PHACTR1: variants seen among roughly 807,000 people sequenced by gnomAD.
PHACTR1 encodes the protein phosphatase and actin regulator 1.
In PHACTR1, 16 loss-of-function variants were observed where a neutral mutation model predicts 69.2. The ratio of observed to expected loss-of-function variants is 0.23; its 90% CI spans 0.16 to 0.35. The LOEUF (loss-of-function observed/expected upper bound fraction) is 0.35, where lower values mean the gene tolerates loss of function less well. PHACTR1 is among the 10% of genes least tolerant of loss of function. The pLI, the probability that PHACTR1 is intolerant of heterozygous loss-of-function variation, is 1.00. For synonymous variants in PHACTR1, 312 were observed against 284.5 expected, an observed-to-expected ratio of 1.10 and a Z score of -0.97; for missense variants, 510 against 734.7, an observed-to-expected ratio of 0.69 and a Z score of 3.54.
chr6:13,125,974 T>C (rs1819475420), intron 5 of PHACTR1, among the ~76,000 whole-genome samples: 1 of 152,112 alleles, frequency 6.6e-6, no homozygotes, highest in African/African-American at 2.4e-5. Flanking sequence ...AATAAATGCC[T>C]TTTGTATGAA....
chr6:12,861,274 C>T (rs143456552), intron 4 of PHACTR1, among the ~76,000 whole-genome samples: 1 of 152,202 alleles, frequency 6.6e-6, no homozygotes, highest in Non-Finnish European at 1.5e-5. Flanking sequence ...TAACAAGTCA[C>T]CCAACGCTAC....
At chr6:13,213,452 C>T (rs1045322857) in intron 8 of PHACTR1, among the ~76,000 whole-genome samples, 1 of 152,186 alleles carries the variant, frequency 6.6e-6, no homozygotes, top group Non-Finnish European at 1.5e-5. Context: ...CCTGCACACA[C>T]CCCTTTTGCA....
chr6:12,746,846 T>G (rs895621619), intron 3 of PHACTR1, among the ~76,000 whole-genome samples: 3 of 152,188 alleles, frequency 2.0e-5, no homozygotes, highest in Non-Finnish European at 2.9e-5. Flanking sequence ...TGAATGAGAA[T>G]AGAAAGGAAT....
At chr6:13,094,943 A>C (rs1176491815) in intron 5 of PHACTR1, among the ~76,000 whole-genome samples, 1 of 152,154 alleles carries the variant, frequency 6.6e-6, no homozygotes, top group Non-Finnish European at 1.5e-5. Context: ...AAGTTATTAA[A>C]GCTAAATGAG....
At chr6:12,771,156 C>G (rs1463497332) in intron 4 of PHACTR1, among the ~76,000 whole-genome samples, 1 of 152,062 alleles carries the variant, frequency 6.6e-6, no homozygotes, top group East Asian at 1.9e-4. Context: ...CTGGGTTGAT[C>G]TTAAATATTT....
At chr6:12,907,984 A>G (rs1403088058) in intron 4 of PHACTR1, among the ~76,000 whole-genome samples, 1 of 152,230 alleles carries the variant, frequency 6.6e-6, no homozygotes, top group Non-Finnish European at 1.5e-5. Flanking sequence ...CTGTGTGTCC[A>G]TCTATGTGAT....
chr6:13,179,770 A>G lies in PHACTR1; in HGVS notation c.497-2749A>G, dbSNP rs1212147479. ...TAGACAGAACAAGGTTATCAATATT[A>G]ATGTTGAAGAAATTGCCAAAAGCTA... On this transcript the variant is annotated intron_variant, in intron 6 of 14. Coordinates refer to ENST00000332995, the MANE Select transcript of PHACTR1 (RefSeq NM_030948.6). This position sits in a 1 kb window ranked among gnomAD's most constrained non-coding sequence, Gnocchi z 4.2. Among the ~76,000 whole-genome samples the G allele has an allele frequency of 3.7e-5, 5 of 135,102 alleles. No individual in the cohort carries two copies. The highest frequency in any genetic ancestry group is 6.0e-5 in the Non-Finnish European group (4 of 67,148). The allele number at this position is 135,102 out of a possible 152,430, so 88.6% of individuals were successfully genotyped here. A position where few individuals can be genotyped will look rare whatever the true frequency, so the allele number is the denominator to read the frequency against.
intron 4 of PHACTR1, among the ~76,000 whole-genome samples, chr6:12,938,414 G>A (rs968340124): frequency 5.3e-5 from 8 of 152,032 alleles, no homozygotes; most frequent in African/African-American, 1.4e-4. Flanking sequence ...TCATAGAGGA[G>A]CACAAACCCG....
Position 13,047,377 on chromosome 6 carries a change from CAAAAAAAA to C in PHACTR1, c.251-5970_251-5963del, listed in dbSNP as rs35293642. The stretch of plus-strand genomic sequence containing the variant: ...TGGGTGACAGAGCAAAACCCTGTCT[CAAAAAAAA>C]AAAAAAAAAAAAAAAAAGGCAGTGC... On this transcript the variant is annotated intron_variant, in intron 4 of 14. Coordinates refer to ENST00000332995, the MANE Select transcript of PHACTR1 (RefSeq NM_030948.6). Among the ~76,000 whole-genome samples, 3 of 54,790 alleles carry C rather than the reference CAAAAAAAA, an allele frequency of 5.5e-5. No individual in the cohort carries two copies. In the South Asian group the frequency reaches 2.8e-3, roughly 51 times the overall value. 35.9% of individuals were successfully genotyped at this position (54,790 alleles called of 152,430 possible). A position where few individuals can be genotyped will look rare whatever the true frequency, so the allele number is the denominator to read the frequency against.
intron 4 of PHACTR1, among the ~76,000 whole-genome samples, chr6:12,830,658 C>T (rs999941894): frequency 2.6e-5 from 4 of 151,948 alleles, no homozygotes; most frequent in Admixed American, 1.3e-4. Flanking sequence ...GGCGCGATCT[C>T]GGCTCACTGC....
At chr6:13,270,298 C>T (rs1380283426) in intron 10 of PHACTR1, among the ~76,000 whole-genome samples, 1 of 152,242 alleles carries the variant, frequency 6.6e-6, no homozygotes. Context: ...GGGTGCCACC[C>T]TCCCAACAGT....
In PHACTR1 at chr6:13,188,763, TA is replaced by T. The variant is rs564188030; in HGVS notation, c.664+6081del. On this transcript the variant is annotated intron_variant, in intron 7 of 14. Transcript: ENST00000332995. ...CTGTCTGTCTTGCTTCATTTCTTGTTAAAATCTCCTTCCATCTCACCTCCTC... is the reference window on the plus strand; with the variant it reads ...CTGTCTGTCTTGCTTCATTTCTTGTTAAATCTCCTTCCATCTCACCTCCTC... Among the ~76,000 whole-genome samples the T allele has an allele frequency of 3.9e-3, 594 of 152,358 alleles. 6 individuals are homozygous for T. Among genetic ancestry groups the T allele is most frequent in the African/African-American group, 0.014 (573 of 41,582 alleles).
chr6:12,911,915 G>A (rs553443978), intron 4 of PHACTR1, among the ~76,000 whole-genome samples: 1 of 152,286 alleles, frequency 6.6e-6, no homozygotes, highest in East Asian at 1.9e-4. Context: ...AAAGAGGAAG[G>A]TGAAAGGAAA....
intron 4 of PHACTR1, among the ~76,000 whole-genome samples, chr6:12,766,153 C>T (rs1288290938): frequency 2.0e-5 from 3 of 152,120 alleles, no homozygotes; most frequent in African/African-American, 7.2e-5. Context: ...TAAAAATAAA[C>T]CTTACTGAAA....
chr6:13,278,465 C>T, intron 12 of PHACTR1, 136 bp downstream of exon 12: 1 of 696,560 alleles, frequency 1.4e-6, no homozygotes, highest in Non-Finnish European at 2.5e-6. Context: ...CACTCTCTTA[C>T]TCTATAAGAC....
chr6:12,944,777 A>ATTTTTTTTTTTTTT (rs757721726), intron 4 of PHACTR1, among the ~76,000 whole-genome samples: 4 of 135,836 alleles, frequency 2.9e-5, no homozygotes, highest in African/African-American at 8.7e-5. Context: ...TTATTTATTT[A>ATTTTTTTTTTTTTT]TTTTTATTTA....
At position 13,198,683 on chromosome 6, in the gene PHACTR1, A is replaced by G. The variant is rs182489796; in HGVS notation, c.665-7132A>G. On this transcript the variant is annotated intron_variant, in intron 7 of 14. Coordinates refer to ENST00000332995, the MANE Select transcript of PHACTR1 (RefSeq NM_030948.6). ...GCATAAATCCCGTCATGTTTTAAGA[A>G]AGTTTACCATTTTGTGTCGGGCCAC... Among the ~76,000 whole-genome samples the G allele has an allele frequency of 3.5e-3, 533 of 152,178 alleles. 4 individuals carry two copies. The highest frequency in any genetic ancestry group is 4.6e-3 in the Non-Finnish European group (315 of 67,984).
intron 7 of PHACTR1, among the ~76,000 whole-genome samples, chr6:13,204,400 A>G (rs1373365755): frequency 6.6e-6 from 1 of 151,448 alleles, no homozygotes; most frequent in African/African-American, 2.4e-5. Flanking sequence ...CCAGTGGGGC[A>G]TTGAGACTCC....
At chr6:13,156,104 C>A (rs1758136281) in intron 5 of PHACTR1, among the ~76,000 whole-genome samples, 1 of 152,140 alleles carries the variant, frequency 6.6e-6, no homozygotes, top group South Asian at 2.1e-4. Context: ...TCTCTTTCTG[C>A]CCTTCCACTT....
Sources: gnomAD v4.1 joint callset for allele counts (sites outside exome capture counted in the v4.1 genomes callset) on GRCh38, gnomAD v4.1.1 for gene constraint, Gnocchi (gnomAD v3.1) non-coding constraint, MANE v1.5 for transcripts, NCBI Gene and HGNC (gene_info 2026-07-23, HGNC 2026-07-21) for gene names.